RADX: variants seen among roughly 807,000 people sequenced by gnomAD.
RADX encodes the protein RPA1 related single stranded DNA binding protein, X-linked.
Under a neutral mutation model 61.6 loss-of-function variants are expected in RADX, and 36 were observed. That is an observed-to-expected ratio of 0.58 (90% CI 0.45 to 0.77). The LOEUF is 0.77. Ranked by LOEUF, RADX falls within the 30% of genes least tolerant of loss-of-function variation. The pLI is 0.00. For synonymous variants in RADX, 272 were observed against 237.9 expected, an observed-to-expected ratio of 1.14 and a Z score of -1.32; for missense variants, 497 against 651.1, an observed-to-expected ratio of 0.76 and a Z score of 2.58.
rs1927486694 is a variant in RADX, at chrX:106,640,609, G to A, written c.1792G>A (p.Gly598Ser). 8.3e-7 allele frequency: 1 copy of A among 1,199,106 alleles called. No homozygotes were observed. Among genetic ancestry groups the A allele is most frequent in the Non-Finnish European group, 1.1e-6 (1 of 887,347 alleles). ...AARVEIQERNGKRHQDDEPVN... is the reference protein window; with the variant it reads ...AARVEIQERNSKRHQDDEPVN... ...TAGAGTAGAAATTCAAGAAAGAAAT[G>A]GTAAACGGCATCAAGATGATGAGCC... The change falls in exon 10 of 14, where the codon GGT (glycine) becomes AGT (serine). Residue 598 changes from glycine (G) to serine (S), a missense_variant. Physicochemically the swap from Gly to Ser is moderately conservative, Grantham distance 56 (BLOSUM62 0). Around this residue, in one of 3 missense-constraint regions of RADX, gnomAD observed 267 missense variants for 306.9 expected, o/e 0.87. Transcript: ENST00000372548.
chrX:106,660,601 G>A (rs1044492059), intron 11 of RADX, among the ~76,000 whole-genome samples: 1 of 112,030 alleles, frequency 8.9e-6, no homozygotes, highest in African/African-American at 3.2e-5. Flanking sequence ...AGCAACTTTG[G>A]TAAACTCTTA....
chrX:106,664,554 A>G (rs987405045), intron 12 of RADX, among the ~76,000 whole-genome samples: 1 of 111,924 alleles, frequency 8.9e-6, no homozygotes, highest in Middle Eastern at 4.7e-3. Flanking sequence ...ATCATTAGTC[A>G]TACCTTAATA....
In RADX at chrX:106,612,022, C is replaced by A; in HGVS notation, c.-59C>A. ...CCAAAGCGCGCGGTTTTATTTCTCT[C>A]CGCTTTGGACGGGGCAAACTAGCTT... is the stretch of plus-strand genomic sequence containing the variant. On this transcript the variant is annotated 5_prime_UTR_variant, in exon 1 of 14. Transcript: ENST00000372548. The A allele has an allele frequency of 5.3e-6, 6 of 1,136,165 alleles. No individual in the cohort carries two copies. The South Asian group carries it at 1.0e-4, about 20-fold the overall frequency. The allele number at this position is 1,136,165 out of a possible 1,213,427, so 93.6% of individuals were successfully genotyped here. A position where few individuals can be genotyped will look rare whatever the true frequency, so the allele number is the denominator to read the frequency against.
intron 2 of RADX, among the ~76,000 whole-genome samples, chrX:106,623,874 C>T (rs1927013190): frequency 9.0e-6 from 1 of 111,193 alleles, no homozygotes. Flanking sequence ...ATAAATTATT[C>T]AGTCATTCCC....
In RADX at chrX:106,636,600, A is replaced by G; in HGVS notation, c.1361A>G (p.Lys454Arg). 1 of 1,203,105 alleles carries G rather than the reference A, an allele frequency of 8.3e-7. No homozygotes were observed. Among genetic ancestry groups the G allele is most frequent in the African/African-American group, 1.7e-5 (1 of 57,694 alleles). ...KVVRNDNQVP[K>R]LLYLTTTNES... ...GTCAGAAATGACAATCAAGTACCTA[A>G]GCTGCTTTACCTCACCACTACAAAT... is the stretch of plus-strand genomic sequence containing the variant. Residue 454 changes from lysine (K) to arginine (R), a missense_variant, in exon 7 of 14, where the codon AAG becomes AGG. Lys to Arg is a conservative substitution (Grantham distance 26, BLOSUM62 2). Coordinates refer to ENST00000372548, the MANE Select transcript of RADX (RefSeq NM_018015.6).
chrX:106,651,842 G>A (rs1005922475), intron 11 of RADX, among the ~76,000 whole-genome samples: 1 of 110,138 alleles, frequency 9.1e-6, no homozygotes, highest in Non-Finnish European at 1.9e-5. Context: ...TTTCAGGGCA[G>A]TAAAGGTAGA....
chrX:106,612,374 G>A lies in RADX; in HGVS notation c.294G>A (p.Thr98=). 8.3e-7 allele frequency: 1 copy of A among 1,211,574 alleles called. No individual in the cohort carries two copies. The highest frequency in any genetic ancestry group is 1.1e-6 in the Non-Finnish European group (1 of 895,415). Residue 98 remains threonine (T), a synonymous_variant, in exon 1 of 14, where the codon ACG becomes ACA. Transcript: ENST00000372548. ...PKPPLYCYDV[T]ISDGVYQEKC... is the part of the protein sequence containing the mutation. ...CTCCCCTTTATTGCTATGATGTGAC[G>A]ATCTCAGATGGGGTGTACCAGGAGA...
chrX:106,627,729 C>T (rs1392286259), intron 3 of RADX, among the ~76,000 whole-genome samples: 4 of 111,657 alleles, frequency 3.6e-5, no homozygotes, highest in African/African-American at 1.3e-4. Context: ...ATAAGCCAGG[C>T]ACAGAAAGAC....
chrX:106,632,532 G>A (rs1252252032), intron 3 of RADX, 93 bp from the exon 4 acceptor site: 3 of 490,530 alleles, frequency 6.1e-6, no homozygotes, highest in Non-Finnish European at 9.8e-6. Context: ...GGTTCAAAAT[G>A]TTCAGTATAC....
At position 106,678,268 on chromosome X, in the gene RADX, A is replaced by T; in HGVS notation, c.*10A>T. On this transcript the variant is annotated 3_prime_UTR_variant, in exon 14 of 14. Transcript: ENST00000372548. ...AGAGAATACTTCTTAAAAGTTAGCAAATGAAATTATTACAGATTATACGAG... is the reference window on the plus strand; with the variant it reads ...AGAGAATACTTCTTAAAAGTTAGCATATGAAATTATTACAGATTATACGAG... The T allele has an allele frequency of 8.9e-7, 1 of 1,127,386 alleles. No individual in the cohort carries two copies. Among genetic ancestry groups the T allele is most frequent in the Non-Finnish European group, 1.2e-6 (1 of 823,166 alleles). 92.9% of individuals were successfully genotyped at this position (1,127,386 alleles called of 1,213,427 possible). A position where few individuals can be genotyped will look rare whatever the true frequency, so the allele number is the denominator to read the frequency against.
chrX:106,623,542 C>T (rs1193221394), intron 2 of RADX, among the ~76,000 whole-genome samples: 1 of 111,329 alleles, frequency 9.0e-6, no homozygotes, highest in African/African-American at 3.3e-5. Context: ...GAGAGAGCCA[C>T]TGTTAACATG....
chrX:106,631,806 AAAG>A (rs1291740668), intron 3 of RADX, among the ~76,000 whole-genome samples: 2 of 106,076 alleles, frequency 1.9e-5, no homozygotes, highest in Non-Finnish European at 3.8e-5. Context: ...AAGAAAGAAG[AAAG>A]AAAGAGAAAG....
intron 1 of RADX, among the ~76,000 whole-genome samples, chrX:106,617,995 G>A (rs1926853396): frequency 8.9e-6 from 1 of 112,013 alleles, no homozygotes; most frequent in African/African-American, 3.2e-5. Flanking sequence ...AAATTATTAA[G>A]GCAGTATGTT....
At chrX:106,675,608 G>T (rs12007783) in intron 13 of RADX, among the ~76,000 whole-genome samples, 1,666 of 112,374 alleles carry the variant, frequency 0.015, 31 homozygotes, top group African/African-American at 0.051. Flanking sequence ...TACAAGGGAA[G>T]CCAGGACACT....
At chrX:106,666,438 G>T (rs930526955) in intron 12 of RADX, among the ~76,000 whole-genome samples, 3 of 111,724 alleles carry the variant, frequency 2.7e-5, no homozygotes, top group African/African-American at 9.7e-5. Context: ...ATTGGTAAGG[G>T]AATCAACATT....
chrX:106,676,407 A>G (rs1248764684), intron 13 of RADX, among the ~76,000 whole-genome samples: 2 of 111,722 alleles, frequency 1.8e-5, no homozygotes, highest in Non-Finnish European at 3.8e-5. Context: ...CAAATAGTAT[A>G]CCCTTGGGGT....
intron 10 of RADX, among the ~76,000 whole-genome samples, chrX:106,641,153 A>T (rs767978291): frequency 2.0e-4 from 22 of 110,641 alleles, no homozygotes; most frequent in African/African-American, 6.2e-4. Flanking sequence ...GTATGACGTC[A>T]TCTTTATCAG....
intron 1 of RADX, among the ~76,000 whole-genome samples, chrX:106,619,505 C>T (rs911535369): frequency 3.6e-5 from 4 of 111,797 alleles, no homozygotes; most frequent in African/African-American, 1.3e-4. Context: ...ATTTATAGCT[C>T]AGGGAAAGAG....
intron 11 of RADX, among the ~76,000 whole-genome samples, chrX:106,655,490 C>A (rs1389931271): frequency 9.2e-6 from 1 of 108,733 alleles, no homozygotes; most frequent in Non-Finnish European, 1.9e-5. Context: ...ATCCCTCCCC[C>A]CACCGCCCAC....
Sources: gnomAD v4.1 joint callset for allele counts (sites outside exome capture counted in the v4.1 genomes callset) on GRCh38, gnomAD v4.1.1 for gene constraint, gnomAD v4.1.1 regional missense constraint, MANE v1.5 for transcripts, NCBI Gene and HGNC (gene_info 2026-07-23, HGNC 2026-07-21) for gene names.